Variants in RAD51C observed in about 807,000 individuals in gnomAD.
The protein encoded by RAD51C is RAD51 paralog C.
In RAD51C, 42 loss-of-function variants were observed where a neutral mutation model predicts 45.0. The ratio of observed to expected loss-of-function variants is 0.93; its 90% confidence interval spans 0.73 to 1.21. RAD51C has a LOEUF of 1.21. Ranked by LOEUF, RAD51C falls within the 50% of genes most tolerant of loss-of-function variation. The pLI is 0.00. For missense variants in RAD51C, 474 were observed against 452.2 expected (o/e 1.05, Z -0.44); for synonymous variants, 172 against 159.8 (o/e 1.08, Z -0.58).
At chr17:58,692,590 C>G (rs28363298), upstream of RAD51C, 8 of 1,610,222 alleles carry the variant, frequency 5.0e-6, no homozygotes, top group African/African-American at 5.3e-5. Context: ...CGCCGCACGC[C>G]CCAGCGAGGG....
At chr17:58,703,086 G>T (rs2048263827) in intron 3 of RAD51C, 110 bp from the exon 4 acceptor site, 2 of 1,218,850 alleles carry the variant, frequency 1.6e-6, no homozygotes, top group Non-Finnish European at 2.3e-6. Context: ...TTCAGTTAAA[G>T]AATTTTGTTA....
rs1286008056 is a variant in RAD51C, at chr17:58,716,923, C to T, written c.838-3823C>T. ...TCACACCATTCTCCTGCCTCAGCCT[C>T]CTGAGTAGCTGGGACTACAGGCACA... is the stretch of plus-strand genomic sequence containing the variant. On this transcript the variant is annotated intron_variant, in intron 5 of 8. Transcript: ENST00000337432. Among the ~76,000 whole-genome samples, 6 of 152,178 alleles carry T rather than the reference C, an allele frequency of 3.9e-5. No homozygotes were observed. The East Asian group carries it at 1.2e-3, about 30-fold the overall frequency.
chr17:58,724,917 A>T (rs775411631), intron 7 of RAD51C, among the ~76,000 whole-genome samples: 25 of 152,218 alleles, frequency 1.6e-4, no homozygotes, highest in Non-Finnish European at 3.1e-4. Flanking sequence ...TATTGGGCCT[A>T]GCCAGTGAAA....
chr17:58,725,442 C>T (rs952045189), intron 7 of RAD51C, among the ~76,000 whole-genome samples: 2 of 151,966 alleles, frequency 1.3e-5, no homozygotes, highest in Admixed American at 1.3e-4. Flanking sequence ...AGGAATTACG[C>T]CTGAGTTAGT....
chr17:58,727,936 TAA>T (rs768880216), intron 7 of RAD51C, among the ~76,000 whole-genome samples: 9 of 136,878 alleles, frequency 6.6e-5, no homozygotes, highest in Admixed American at 1.5e-4. Context: ...TCTAAGATAT[TAA>T]AAAAAAAAAA....
chr17:58,706,882 A>G (rs2048396552), intron 4 of RAD51C, among the ~76,000 whole-genome samples: 1 of 152,172 alleles, frequency 6.6e-6, no homozygotes, highest in African/African-American at 2.4e-5. Flanking sequence ...TCATTGTTCA[A>G]CCGTACCTTT....
At chr17:58,715,131 A>T (rs1158624608) in intron 5 of RAD51C, among the ~76,000 whole-genome samples, 7 of 134,784 alleles carry the variant, frequency 5.2e-5, no homozygotes, top group African/African-American at 8.6e-5. Flanking sequence ...CCAGATTATT[A>T]AAAAAAAAAA....
chr17:58,715,164 C>CT (rs2048689012), intron 5 of RAD51C, among the ~76,000 whole-genome samples: 1 of 151,446 alleles, frequency 6.6e-6, no homozygotes, highest in African/African-American at 2.4e-5. Context: ...CAAAAAACCT[C>CT]TTTTCAGCTG....
At chr17:58,720,861 T>C (rs1046115168) in intron 6 of RAD51C, 49 bp downstream of exon 6, 13 of 1,455,368 alleles carry the variant, frequency 8.9e-6, no homozygotes, top group African/African-American at 1.4e-5. Flanking sequence ...GTTTTTCTTA[T>C]CTCTTTCATT....
chr17:58,706,640 C>A, intron 4 of RAD51C: 1 of 339,234 alleles, frequency 2.9e-6, no homozygotes. Context: ...ATCTGTGATC[C>A]CCTTTGGCAC....
intron 3 of RAD51C, among the ~76,000 whole-genome samples, chr17:58,701,947 C>G (rs780600640): frequency 6.6e-6 from 1 of 151,412 alleles, no homozygotes; most frequent in Non-Finnish European, 1.5e-5. Context: ...CTATAGCATT[C>G]AAGAGAAAAA....
At chr17:58,722,175 G>C (rs562338405) in intron 6 of RAD51C, among the ~76,000 whole-genome samples, 69 of 152,270 alleles carry the variant, frequency 4.5e-4, no homozygotes, top group African/African-American at 1.6e-3. Flanking sequence ...CAGATACCAG[G>C]AAGTTGGGAA....
intron 4 of RAD51C, among the ~76,000 whole-genome samples, chr17:58,708,029 A>G (rs987880576): frequency 3.3e-5 from 5 of 152,172 alleles, no homozygotes; most frequent in Admixed American, 6.6e-5. Flanking sequence ...ATACAGTCAC[A>G]CTGGGAGATA....
chr17:58,730,429 A>G (rs2049375142), intron 7 of RAD51C, among the ~76,000 whole-genome samples: 1 of 150,396 alleles, frequency 6.6e-6, no homozygotes, highest in Non-Finnish European at 1.5e-5. Context: ...TGCCTGCCTC[A>G]GCCTCCCAAA....
chr17:58,700,870 A>T (rs2048189454), intron 3 of RAD51C, among the ~76,000 whole-genome samples: 1 of 151,996 alleles, frequency 6.6e-6, no homozygotes, highest in African/African-American at 2.4e-5. Flanking sequence ...TTTCAGTGTT[A>T]ATATTTAAGT....
intron 4 of RAD51C, among the ~76,000 whole-genome samples, chr17:58,706,810 TTATC>T (rs2048394811): frequency 6.6e-6 from 1 of 152,218 alleles, no homozygotes; most frequent in African/African-American, 2.4e-5. Flanking sequence ...TTATAATCCC[TTATC>T]TATCACTGGC....
At chr17:58,708,067 A>G (rs891176720) in intron 4 of RAD51C, among the ~76,000 whole-genome samples, 2 of 152,168 alleles carry the variant, frequency 1.3e-5, no homozygotes, top group Non-Finnish European at 2.9e-5. Flanking sequence ...TATTGGGGGG[A>G]CACAGCAGTG....
intron 5 of RAD51C, among the ~76,000 whole-genome samples, chr17:58,719,930 G>T (rs956364165): frequency 1.3e-5 from 2 of 150,532 alleles, no homozygotes; most frequent in Non-Finnish European, 3.0e-5. Flanking sequence ...GGGTTTCACC[G>T]TGTTAGCCAG....
chr17:58,702,408 G>T (rs528015323), intron 3 of RAD51C, among the ~76,000 whole-genome samples: 4 of 152,166 alleles, frequency 2.6e-5, no homozygotes, highest in African/African-American at 7.2e-5. Context: ...AATAGATCAG[G>T]TCGGGTGTGG....
Sources: allele counts gnomAD v4.1 joint callset (sites outside exome capture counted in the v4.1 genomes callset), GRCh38; gene constraint gnomAD v4.1.1; transcripts MANE v1.5; gene names NCBI Gene and HGNC (gene_info 2026-07-23, HGNC 2026-07-21).